ERMAP: variants seen among roughly 807,000 people sequenced by gnomAD.
ERMAP encodes the protein erythroblast membrane associated protein (Scianna blood group).
ERMAP carries 34 observed loss-of-function variants against 49.5 expected under a neutral mutation model. The ratio of observed to expected loss-of-function variants is 0.69; its 90% CI spans 0.52 to 0.91. The LOEUF (loss-of-function observed/expected upper bound fraction) is 0.91, where lower values mean the gene tolerates loss of function less well. Ranked by LOEUF, ERMAP falls within the 40% of genes least tolerant of loss-of-function variation. The pLI is 0.00. For missense variants in ERMAP, 541 were observed against 582.6 expected, an observed-to-expected ratio of 0.93 and a Z score of 0.74; for synonymous variants, 214 against 232.2, an observed-to-expected ratio of 0.92 and a Z score of 0.71.
rs149363495 is a variant in ERMAP, at chr1:42,843,846, A to C, written c.*614A>C. 8 of 390,288 alleles carry C rather than the reference A, an allele frequency of 2.0e-5. No individual in the cohort carries two copies. Among genetic ancestry groups the C allele is most frequent in the Non-Finnish European group, 3.6e-5 (8 of 221,408 alleles). The allele number at this position is 390,288 out of a possible 1,614,324, so 24.2% of individuals were successfully genotyped here. Reference sequence around the variant, plus strand: ...TTGGTGATATCCAGAGCTAATGTACATGCTTTCAAAAGCTAATCTGCCTGT... The same window carrying C: ...TTGGTGATATCCAGAGCTAATGTACCTGCTTTCAAAAGCTAATCTGCCTGT... On this transcript the variant is annotated 3_prime_UTR_variant, in exon 12 of 12. Transcript: ENST00000372517.
chr1:42,827,248 C>A (rs900112527), intron 2 of ERMAP, among the ~76,000 whole-genome samples: 2 of 152,196 alleles, frequency 1.3e-5, no homozygotes, highest in Admixed American at 6.5e-5. Context: ...TGGCTCACTG[C>A]AGCCTTAACC....
rs374088023 is a variant in ERMAP at position 42,835,032 on chromosome 1, T to C, written c.434-6T>C. 36 of 1,217,764 alleles carry C rather than the reference T, an allele frequency of 3.0e-5. No individual in the cohort carries two copies. The highest frequency in any genetic ancestry group is 4.3e-5 in the Non-Finnish European group (35 of 818,152). The allele number at this position is 1,217,764 out of a possible 1,614,324, so 75.4% of individuals were successfully genotyped here. On this transcript the variant is annotated splice_region_variant and splice_polypyrimidine_tract_variant and intron_variant, in intron 4 of 11. Coordinates refer to ENST00000372517, the MANE Select transcript of ERMAP (RefSeq NM_001017922.2). ...TGAGGTCAGTCGTTGGTGGTTTCTG[T>C]TTCAGCCCCATCTGTGGGGAGTCTC...
Position 42,842,521 on chromosome 1 carries a change from A to G in ERMAP, c.717A>G (p.Ala239=), listed in dbSNP as rs1655085535. The G allele has an allele frequency of 6.2e-7, 1 of 1,611,246 alleles. No individual in the cohort carries two copies. The highest frequency in any genetic ancestry group is 1.3e-5 in the African/African-American group (1 of 74,880). ...GWRRARLHFV[A]VTLDPDTAHP... ...CCTGTCTGTGTCTCTTTGCAGTGGC[A>G]GTGACCCTGGACCCAGACACAGCAC... Residue 239 remains alanine (A), a synonymous_variant, in exon 12 of 12, where the codon GCA becomes GCG. Coordinates refer to ENST00000372517, the MANE Select transcript of ERMAP (RefSeq NM_001017922.2).
intron 4 of ERMAP, among the ~76,000 whole-genome samples, chr1:42,833,450 A>G (rs11210726): frequency 0.74 from 112,376 of 152,108 alleles, 42,405 homozygotes; most frequent in Admixed American, 0.82. Context: ...CACTTATGAT[A>G]TCATGAGCAT....
chr1:42,838,955 C>T, intron 8 of ERMAP, 34 bp downstream of exon 8: 2 of 1,614,164 alleles, frequency 1.2e-6, no homozygotes, highest in Non-Finnish European at 1.7e-6. Flanking sequence ...GCACAAGCTC[C>T]TTCTGCTGAC....
chr1:42,819,166 G>GCGT lies in ERMAP; in HGVS notation c.-122+1913_-122+1914insCGT, dbSNP rs1410853827. 2.6e-5 allele frequency among the ~76,000 whole-genome samples: 3 copies of GCGT among 114,290 alleles called. No homozygotes were observed. In the Admixed American group the frequency reaches 3.2e-4, roughly 12 times the overall value. The allele number at this position is 114,290 out of a possible 152,430, so 75.0% of individuals were successfully genotyped here. A position where few individuals can be genotyped will look rare whatever the true frequency, so the allele number is the denominator to read the frequency against. ...AAACGGTGAGGAAGAGGATAAGTTAGGAGCGTGTGTGTGTGTGTGTGTGTG... is the reference window on the plus strand; with the variant it reads ...AAACGGTGAGGAAGAGGATAAGTTAGCGTGAGCGTGTGTGTGTGTGTGTGTGTG... On this transcript the variant is annotated intron_variant, in intron 1 of 11. Coordinates refer to ENST00000372517, the MANE Select transcript of ERMAP (RefSeq NM_001017922.2). The surrounding 1 kb of genome is among the most constrained non-coding windows in gnomAD (Gnocchi z 5.1).
intron 11 of ERMAP, among the ~76,000 whole-genome samples, chr1:42,841,045 C>G (rs1404512529): frequency 6.6e-6 from 1 of 152,116 alleles, no homozygotes; most frequent in Non-Finnish European, 1.5e-5. Flanking sequence ...CAAATGGGAC[C>G]TGTTTTTTTC....
chr1:42,825,744 T>A lies in ERMAP; in HGVS notation c.-6+6T>A. The A allele has an allele frequency of 7.8e-7, 1 of 1,289,172 alleles. No homozygotes were observed. The highest frequency in any genetic ancestry group is 1.0e-6 in the Non-Finnish European group (1 of 988,812). The allele number at this position is 1,289,172 out of a possible 1,614,324, so 79.9% of individuals were successfully genotyped here. A position where few individuals can be genotyped will look rare whatever the true frequency, so the allele number is the denominator to read the frequency against. ...CGTCCCTGATCCAGAAGGTGGTGAG[T>A]CCTCCTCTCTCTCTTCATGCTTTTT... On this transcript the variant is annotated splice_donor_region_variant and intron_variant, in intron 2 of 11. Transcript: ENST00000372517.
intron 2 of ERMAP, among the ~76,000 whole-genome samples, chr1:42,826,185 G>GA (rs1654539620): frequency 6.6e-6 from 1 of 152,016 alleles, no homozygotes; most frequent in Non-Finnish European, 1.5e-5. Flanking sequence ...ATGTGTAGTG[G>GA]AAAAAAATGG....
chr1:42,844,049 A>G lies in ERMAP; in HGVS notation c.*817A>G, dbSNP rs1570550953. 1.0e-5 allele frequency: 4 copies of G among 398,590 alleles called. No homozygotes were observed. The East Asian group carries it at 1.1e-4, about 11-fold the overall frequency. The allele number at this position is 398,590 out of a possible 1,614,324, so 24.7% of individuals were successfully genotyped here. A position where few individuals can be genotyped will look rare whatever the true frequency, so the allele number is the denominator to read the frequency against. On this transcript the variant is annotated 3_prime_UTR_variant, in exon 12 of 12. Transcript: ENST00000372517. The surrounding 1 kb of genome is among the most constrained non-coding windows in gnomAD (Gnocchi z 4.0). The stretch of plus-strand genomic sequence containing the variant: ...TGAGTCTGTTGTGACTGTCTTATGA[A>G]TCAATCTGTTGTGCCAACCCTTTCT...
chr1:42,823,771 G>A (rs1205608630), intron 1 of ERMAP, among the ~76,000 whole-genome samples: 2 of 152,156 alleles, frequency 1.3e-5, no homozygotes, highest in Non-Finnish European at 2.9e-5. Context: ...TTAAAAAGAT[G>A]TGTATCTAAG....
At chr1:42,828,238 T>C (rs577686838) in intron 2 of ERMAP, among the ~76,000 whole-genome samples, 1 of 152,134 alleles carries the variant, frequency 6.6e-6, no homozygotes, top group South Asian at 2.1e-4. Context: ...TAGCACTTCT[T>C]ACATGGAGTG....
At chr1:42,824,578 C>A in intron 1 of ERMAP, 1 of 152,264 alleles carries the variant, frequency 6.6e-6, no homozygotes, top group Non-Finnish European at 1.5e-5. Context: ...ACAAGTACTT[C>A]AGTTCAAGAG....
intron 11 of ERMAP, 26 bp from the exon 12 acceptor site, chr1:42,842,491 C>A (rs1176710378): frequency 1.9e-6 from 3 of 1,590,604 alleles, no homozygotes; most frequent in Non-Finnish European, 2.6e-6. Flanking sequence ...TACTTCCAAG[C>A]CTCACCTGTC....
intron 7 of ERMAP, 151 bp downstream of exon 7, chr1:42,837,341 T>G (rs1272185515): frequency 1.1e-6 from 1 of 944,672 alleles, no homozygotes; most frequent in Non-Finnish European, 1.6e-6. Flanking sequence ...TGGAATTTAG[T>G]GTGCAATGTT....
chr1:42,832,771 A>G (rs1358886292), intron 4 of ERMAP, among the ~76,000 whole-genome samples: 1 of 152,258 alleles, frequency 6.6e-6, no homozygotes, highest in Non-Finnish European at 1.5e-5. Context: ...ATAAAGCTAG[A>G]GACTGGCTTA....
intron 3 of ERMAP, 108 bp downstream of exon 3, chr1:42,830,641 G>C (rs1351713583): frequency 6.2e-6 from 9 of 1,454,764 alleles, no homozygotes; most frequent in Non-Finnish European, 7.5e-6. Flanking sequence ...CTGTTCCCCC[G>C]GCCCTGGCAA....
At chr1:42,831,970 G>A (rs1208099799) in intron 4 of ERMAP, among the ~76,000 whole-genome samples, 1 of 151,992 alleles carries the variant, frequency 6.6e-6, no homozygotes, top group Non-Finnish European at 1.5e-5. Flanking sequence ...TAAAAAATCA[G>A]TCTACCAAAC....
intron 4 of ERMAP, among the ~76,000 whole-genome samples, chr1:42,832,285 G>C (rs1439115870): frequency 1.4e-5 from 2 of 147,490 alleles, no homozygotes; most frequent in Non-Finnish European, 3.0e-5. Context: ...TCGCCTCCTG[G>C]GTTCAGGTGA....
Sources: gnomAD v4.1 joint callset for allele counts (sites outside exome capture counted in the v4.1 genomes callset) on GRCh38, gnomAD v4.1.1 for gene constraint, Gnocchi (gnomAD v3.1) non-coding constraint, MANE v1.5 for transcripts, NCBI Gene and HGNC (gene_info 2026-07-23, HGNC 2026-07-21) for gene names.